Variants in GART observed in about 807,000 individuals in gnomAD.
GART encodes phosphoribosylglycinamide formyltransferase, phosphoribosylglycinamide synthetase, phosphoribosylaminoimidazole synthetase.
A neutral mutation model predicts 107.2 loss-of-function variants in GART; 43 were observed. The observed-to-expected ratio is 0.40, with a 90% CI of 0.31 to 0.52. The LOEUF (loss-of-function observed/expected upper bound fraction) is 0.52, where lower values mean the gene tolerates loss of function less well. Ranked by LOEUF, GART falls within the 20% of genes least tolerant of loss-of-function variation. The pLI, the probability that GART is intolerant of heterozygous loss-of-function variation, is 0.52. For missense variants in GART, 1,107 were observed against 1,206.5 expected, an observed-to-expected ratio of 0.92 and a Z score of 1.22; for synonymous variants, 434 against 427.0, an observed-to-expected ratio of 1.02 and a Z score of -0.20.
Position 33,524,954 on chromosome 21 carries a change from G to A in GART, c.1113C>T (p.Gly371=). 6.2e-7 allele frequency: 1 copy of A among 1,614,176 alleles called. No individual in the cohort carries two copies. The highest frequency in any genetic ancestry group is 8.5e-7 in the Non-Finnish European group (1 of 1,180,030). Residue 371 remains glycine, a synonymous_variant, in exon 11 of 22, where the codon GGC becomes GGT. Transcript: ENST00000381815. ...QALGLEVFHA[G]TALKNGKVVT... is the part of the protein sequence containing the mutation. ...CTACTTTGCCATTTTTGAGGGCAGT[G>A]CCTGCATGGAACACCTCCAGTCCTA...
intron 16 of GART, among the ~76,000 whole-genome samples, chr21:33,514,007 A>C (rs1468343788): frequency 2.0e-5 from 3 of 152,178 alleles, no homozygotes; most frequent in Non-Finnish European, 2.9e-5. Context: ...AGCTCATGCC[A>C]GTAATCCCAG....
At chr21:33,524,150 C>G (rs2085024051) in intron 11 of GART, 2 of 985,034 alleles carry the variant, frequency 2.0e-6, no homozygotes, top group Admixed American at 6.2e-5. Flanking sequence ...ACAGTATAAT[C>G]AAATCAAATT....
intron 4 of GART, among the ~76,000 whole-genome samples, chr21:33,532,971 C>G (rs2085221960): frequency 6.6e-6 from 1 of 151,648 alleles, no homozygotes; most frequent in Non-Finnish European, 1.5e-5. Flanking sequence ...GTTTAAGAAA[C>G]TCTTTAGGAT....
In GART at chr21:33,534,705, G is replaced by C. The variant is rs2085271355; in HGVS notation, c.290C>G (p.Thr97Arg). 5.0e-6 allele frequency: 8 copies of C among 1,611,688 alleles called. No individual in the cohort carries two copies. The highest frequency in any genetic ancestry group is 6.8e-6 in the Non-Finnish European group (8 of 1,179,000). Residue 97 changes from threonine to arginine, a missense_variant, in exon 4 of 22, where the codon ACA (threonine) becomes AGA (arginine). Transcript: ENST00000381815. ...GGACTCTAACTGAGCCGCTTCTGCT[G>C]TTGGGCCAAAGCATTGCACTCCTGC... Reference protein sequence around the residue: ...RSAGVQCFGPTAEAAQLESSK... With the variant: ...RSAGVQCFGPRAEAAQLESSK...
chr21:33,504,147 T>G lies in GART; in HGVS notation c.3010A>C (p.Ile1004Leu), dbSNP rs1244631808. ...GTVQLGENGK[I>L]CWVKEE is the part of the protein sequence containing the mutation. ...CTTCATTCCTCTTTAACCCAACAGA[T>G]CTTGCCATTTTCTCCAAGCTGTACA... Residue 1004 changes from isoleucine to leucine, a missense_variant, in exon 22 of 22, where the codon ATC (isoleucine) becomes CTC (leucine). Transcript: ENST00000381815. 3.1e-6 allele frequency: 5 copies of G among 1,613,326 alleles called. No homozygotes were observed. Among genetic ancestry groups the G allele is most frequent in the Non-Finnish European group, 4.2e-6 (5 of 1,179,628 alleles).
At chr21:33,524,051 T>C in intron 11 of GART, 2 of 984,928 alleles carry the variant, frequency 2.0e-6, no homozygotes, top group East Asian at 2.3e-4. Context: ...CAACAGTTTG[T>C]ACATACCAAC....
At chr21:33,530,035 T>C (rs1250935560) in intron 7 of GART, among the ~76,000 whole-genome samples, 1 of 151,806 alleles carries the variant, frequency 6.6e-6, no homozygotes, top group Non-Finnish European at 1.5e-5. Flanking sequence ...CTACTAAAAA[T>C]ACAAAAATTA....
intron 10 of GART, among the ~76,000 whole-genome samples, chr21:33,526,425 C>T (rs779403186): frequency 7.9e-5 from 12 of 152,034 alleles, no homozygotes; most frequent in African/African-American, 4.8e-5. Context: ...CTGCCCGCTT[C>T]GGCCTCCCCA....
At chr21:33,514,942 G>A (rs1281963467) in intron 16 of GART, among the ~76,000 whole-genome samples, 2 of 152,152 alleles carry the variant, frequency 1.3e-5, no homozygotes, top group East Asian at 3.8e-4. Context: ...CATACGCTCT[G>A]ACTCTTGGGT....
intron 16 of GART, among the ~76,000 whole-genome samples, chr21:33,513,694 G>T (rs2084829951): frequency 6.6e-6 from 1 of 152,158 alleles, no homozygotes; most frequent in African/African-American, 2.4e-5. Context: ...TAACTACATT[G>T]TTCACTATGC....
intron 20 of GART, 27 bp downstream of exon 20, chr21:33,505,534 A>G (rs1354858000): frequency 6.4e-7 from 1 of 1,572,578 alleles, no homozygotes; most frequent in East Asian, 2.3e-5. Context: ...TGATTTCCCA[A>G]TGTGATGTCA....
rs1267093238 is a variant in GART, at chr21:33,524,861, T to C, written c.1206A>G (p.Glu402=). ...IRENLISALE[E]AKKGLAAIKF... ...TTATAGCAGCTAGTCCTTTCTTGGCTTCCTCAAGGGCTGATATGAGATTTT... is the reference window on the plus strand; with the variant it reads ...TTATAGCAGCTAGTCCTTTCTTGGCCTCCTCAAGGGCTGATATGAGATTTT... Residue 402 remains glutamate, a synonymous_variant, in exon 11 of 22, where the codon GAA becomes GAG. Transcript: ENST00000381815. 7 of 1,614,092 alleles carry C rather than the reference T, an allele frequency of 4.3e-6. No individual in the cohort carries two copies. The highest frequency in any genetic ancestry group is 5.9e-6 in the Non-Finnish European group (7 of 1,180,042).
intron 1 of GART, among the ~76,000 whole-genome samples, chr21:33,541,045 C>A (rs543760418): frequency 6.6e-6 from 1 of 151,830 alleles, no homozygotes; most frequent in Non-Finnish European, 1.5e-5. Flanking sequence ...AAAAAAAAAA[C>A]CCTGTTAAAT....
At chr21:33,524,742 C>T in intron 11 of GART, 27 bp downstream of exon 11, 1 of 1,613,830 alleles carries the variant, frequency 6.2e-7, no homozygotes, top group Non-Finnish European at 8.5e-7. Context: ...TGAAATGGCA[C>T]TACAGCTAAC....
intron 14 of GART, chr21:33,518,843 A>G: frequency 2.1e-5 from 11 of 534,816 alleles, no homozygotes; most frequent in South Asian, 4.2e-5. Context: ...CTGGTTTAAG[A>G]TGCTGGTAGC....
intron 16 of GART, among the ~76,000 whole-genome samples, chr21:33,512,592 AT>A (rs957653155): frequency 1.1e-4 from 17 of 150,316 alleles, no homozygotes; most frequent in African/African-American, 3.2e-4. Flanking sequence ...TTATTGGATA[AT>A]TTTTTTTTTC....
At chr21:33,540,527 G>A (rs1376124618) in intron 1 of GART, among the ~76,000 whole-genome samples, 1 of 152,166 alleles carries the variant, frequency 6.6e-6, no homozygotes, top group African/African-American at 2.4e-5. Flanking sequence ...TGGTAGAGAA[G>A]GCAAAAATCA....
intron 11 of GART, 78 bp from the exon 12 acceptor site, chr21:33,522,360 G>T: frequency 8.9e-7 from 1 of 1,125,152 alleles, no homozygotes; most frequent in Non-Finnish European, 1.3e-6. Flanking sequence ...TAAAGCAGAA[G>T]ATATCCCAAG....
rs781562310 is a variant in GART, at chr21:33,535,337, A to G, written c.146-17T>C. On this transcript the variant is annotated splice_polypyrimidine_tract_variant and intron_variant, in intron 2 of 21. Transcript: ENST00000381815. ...TTGAGATGGCTGTAAACAGAAAAAAAAAAAAAAAAACCACTGCATTTACAA... is the reference window on the plus strand; with the variant it reads ...TTGAGATGGCTGTAAACAGAAAAAAGAAAAAAAAAACCACTGCATTTACAA... 74 of 1,439,138 alleles carry G rather than the reference A, an allele frequency of 5.1e-5. No individual in the cohort carries two copies. The highest frequency in any genetic ancestry group is 6.6e-5 in the Non-Finnish European group (71 of 1,077,900). The allele number at this position is 1,439,138 out of a possible 1,614,324, so 89.1% of individuals were successfully genotyped here.
Sources: allele counts gnomAD v4.1 joint callset (sites outside exome capture counted in the v4.1 genomes callset), GRCh38; gene constraint gnomAD v4.1.1; transcripts MANE v1.5; gene names NCBI Gene and HGNC (gene_info 2026-07-23, HGNC 2026-07-21).